The following CSGALNACT1 variants were observed in gnomAD, a reference collection of about 807,000 sequenced individuals.
The protein encoded by CSGALNACT1 is chondroitin sulfate N-acetylgalactosaminyltransferase 1.
CSGALNACT1 carries 52 observed loss-of-function variants against 51.0 expected under a neutral mutation model. The observed-to-expected ratio is 1.02, with a 90% CI of 0.82 to 1.29. The LOEUF is 1.29. Ranked by LOEUF, CSGALNACT1 falls within the 50% of genes most tolerant of loss-of-function variation. CSGALNACT1 has a pLI of 0.00. For missense variants in CSGALNACT1, 935 were observed against 679.2 expected, an observed-to-expected ratio of 1.38 and a Z score of -4.19; for synonymous variants, 341 against 254.4, an observed-to-expected ratio of 1.34 and a Z score of -3.24.
rs190947027 is a variant in CSGALNACT1, at chr8:19,727,998, T to A, written c.-297+29852A>T. On this transcript the variant is annotated intron_variant, in intron 1 of 1. Coordinates refer to the CSGALNACT1 transcript ENST00000517494. ...TAGAGCAGCAAGATGTCATTCCAAG[T>A]GCGACTGGAGTTCTACGCGCGATGC... 2.6e-5 allele frequency among the ~76,000 whole-genome samples: 4 copies of A among 152,286 alleles called. No individual in the cohort carries two copies. In the East Asian group the frequency reaches 7.7e-4, roughly 29 times the overall value.
chr8:19,457,170 C>T (rs867906466), intron 5 of CSGALNACT1, among the ~76,000 whole-genome samples: 8 of 152,218 alleles, frequency 5.3e-5, no homozygotes, highest in Middle Eastern at 3.2e-3. Context: ...AGGTCTAAGA[C>T]TATTTGATTC....
At chr8:19,603,945 C>T (rs1270133345), upstream of CSGALNACT1, among the ~76,000 whole-genome samples, 1 of 152,238 alleles carries the variant, frequency 6.6e-6, no homozygotes, top group Non-Finnish European at 1.5e-5. Flanking sequence ...CATCTACACA[C>T]AGTAACATAC....
intron 1 of CSGALNACT1, among the ~76,000 whole-genome samples, chr8:19,696,451 A>G (rs1158559786): frequency 6.6e-6 from 1 of 152,226 alleles, no homozygotes; most frequent in Non-Finnish European, 1.5e-5. Context: ...TAATTGGAAC[A>G]GGGCATATGA....
intron 4 of CSGALNACT1, among the ~76,000 whole-genome samples, chr8:19,488,978 A>C (rs959969853): frequency 6.6e-6 from 1 of 152,120 alleles, no homozygotes; most frequent in Admixed American, 6.5e-5. Context: ...TGCAGTTATT[A>C]TTATGCGCAA....
upstream of CSGALNACT1, among the ~76,000 whole-genome samples, chr8:19,685,684 G>A (rs1445646037): frequency 6.6e-6 from 1 of 152,132 alleles, no homozygotes; most frequent in African/African-American, 2.4e-5. Flanking sequence ...GGATTCAGAT[G>A]AGATGGAACG....
Position 19,436,313 on chromosome 8 carries a change from G to C in CSGALNACT1, c.953+3517C>G, listed in dbSNP as rs192360758. On this transcript the variant is annotated intron_variant, in intron 6 of 9. Transcript: ENST00000454498. Reference sequence around the variant, plus strand: ...ATGGGTTTTAGGAGCGAGCATATTAGAGTGAACAGGTGGTGGTATGCTAAC... The same window carrying C: ...ATGGGTTTTAGGAGCGAGCATATTACAGTGAACAGGTGGTGGTATGCTAAC... Among the ~76,000 whole-genome samples, 21 of 152,228 alleles carry C rather than the reference G, an allele frequency of 1.4e-4. No homozygotes were observed. The East Asian group carries it at 1.5e-3, about 11-fold the overall frequency.
At chr8:19,701,231 C>G (rs933884911) in intron 1 of CSGALNACT1, among the ~76,000 whole-genome samples, 1 of 140,812 alleles carries the variant, frequency 7.1e-6, no homozygotes, top group Non-Finnish European at 1.5e-5. Flanking sequence ...TCTCCATGCA[C>G]TGCAACTTCA....
At chr8:19,685,008 T>C (rs1426502295), upstream of CSGALNACT1, among the ~76,000 whole-genome samples, 3 of 152,326 alleles carry the variant, frequency 2.0e-5, no homozygotes, top group East Asian at 5.8e-4. Flanking sequence ...ATCTATCTTA[T>C]TAAGTTCACA....
chr8:19,574,140 T>C (rs1405308818), intron 3 of CSGALNACT1, among the ~76,000 whole-genome samples: 1 of 152,200 alleles, frequency 6.6e-6, no homozygotes. Context: ...TTTAAACTCC[T>C]AGCCTTAAGA....
chr8:19,682,050 A>G (rs1331220312), intron 1 of CSGALNACT1, among the ~76,000 whole-genome samples: 1 of 152,218 alleles, frequency 6.6e-6, no homozygotes, highest in African/African-American at 2.4e-5. Flanking sequence ...CCTGTACCAC[A>G]GAAAGATTTT....
intron 6 of CSGALNACT1, among the ~76,000 whole-genome samples, chr8:19,429,172 T>A (rs2059276136): frequency 6.6e-6 from 1 of 152,074 alleles, no homozygotes; most frequent in African/African-American, 2.4e-5. Context: ...ATCAACCTTT[T>A]TTGTTGTTGT....
intron 4 of CSGALNACT1, among the ~76,000 whole-genome samples, chr8:19,473,033 CTCAG>C (rs1393917366): frequency 1.3e-5 from 2 of 152,140 alleles, no homozygotes; most frequent in Non-Finnish European, 2.9e-5. Flanking sequence ...TATTACTGCT[CTCAG>C]TCAAACAGGT....
At chr8:19,591,925 T>C (rs1301847598) in intron 2 of CSGALNACT1, among the ~76,000 whole-genome samples, 1 of 152,194 alleles carries the variant, frequency 6.6e-6, no homozygotes, top group Non-Finnish European at 1.5e-5. Flanking sequence ...ATCATCAAAA[T>C]TAACACTGTC....
In CSGALNACT1 at chr8:19,649,834, A is replaced by AAACAACAAC. The variant is rs993095015; in HGVS notation, c.-544+32638_-544+32639insGTTGTTGTT. Among the ~76,000 whole-genome samples the AAACAACAAC allele has an allele frequency of 1.1e-4, 16 of 147,874 alleles. 1 individual carries two copies. The highest frequency in any genetic ancestry group is 8.2e-4 in the Admixed American group (12 of 14,674). ...TTCCAAGTAGCAAAAAAAAAAAAAA[A>AAACAACAAC]AAAAAAAAAAACCACGGGGGGAGGC... On this transcript the variant is annotated intron_variant, in intron 1 of 9. Transcript: ENST00000332246.
chr8:19,493,376 A>G (rs141475593), intron 4 of CSGALNACT1, among the ~76,000 whole-genome samples: 10 of 152,354 alleles, frequency 6.6e-5, no homozygotes, highest in African/African-American at 1.7e-4. Flanking sequence ...TAAAGCAGAC[A>G]AGCTAATTTT....
At chr8:19,646,612 G>A (rs1419326043) in intron 1 of CSGALNACT1, among the ~76,000 whole-genome samples, 2 of 152,010 alleles carry the variant, frequency 1.3e-5, no homozygotes, top group Admixed American at 6.6e-5. Flanking sequence ...ATAAGGAAAC[G>A]CCACCTTTAG....
At chr8:19,567,714 T>C (rs888034978) in intron 3 of CSGALNACT1, among the ~76,000 whole-genome samples, 5 of 152,200 alleles carry the variant, frequency 3.3e-5, no homozygotes, top group Non-Finnish European at 7.3e-5. Context: ...ATGTGTCTAT[T>C]TTCTATACGT....
intron 1 of CSGALNACT1, among the ~76,000 whole-genome samples, chr8:19,648,267 G>T (rs987194244): frequency 6.6e-6 from 1 of 152,106 alleles, no homozygotes; most frequent in Non-Finnish European, 1.5e-5. Context: ...GTATGGATGG[G>T]TATTTTTACT....
chr8:19,422,944 C>T (rs765438203), intron 6 of CSGALNACT1, among the ~76,000 whole-genome samples: 16 of 152,166 alleles, frequency 1.1e-4, no homozygotes, highest in South Asian at 6.2e-4. Context: ...TCTCTTTCTT[C>T]GCTGTTTCCA....
Sources: gnomAD v4.1 joint callset for allele counts (sites outside exome capture counted in the v4.1 genomes callset) on GRCh38, gnomAD v4.1.1 for gene constraint, MANE v1.5 for transcripts, NCBI Gene and HGNC (gene_info 2026-07-23, HGNC 2026-07-21) for gene names.